CRACD: variants seen among roughly 807,000 people sequenced by gnomAD.
The protein encoded by CRACD is capping protein-inhibiting regulator of actin dynamics.
A neutral mutation model predicts 106.8 loss-of-function variants in CRACD; 56 were observed. The observed-to-expected ratio is 0.52, with a 90% CI of 0.42 to 0.66. The LOEUF is 0.66. CRACD is among the 30% of genes least tolerant of loss of function. The pLI, the probability that CRACD is intolerant of heterozygous loss-of-function variation, is 0.00. For missense variants in CRACD, 1,730 were observed against 1,623.2 expected (o/e 1.07, Z -1.13); for synonymous variants, 754 against 670.8 (o/e 1.12, Z -1.92).
chr4:56,091,280 T>C (rs1733416264), intron 1 of CRACD, among the ~76,000 whole-genome samples: 1 of 152,072 alleles, frequency 6.6e-6, no homozygotes, highest in Non-Finnish European at 1.5e-5. Flanking sequence ...TGTCCTGAGC[T>C]TAAGTGATCC....
At chr4:56,286,176 T>C (rs183008728) in intron 3 of CRACD, among the ~76,000 whole-genome samples, 41 of 152,076 alleles carry the variant, frequency 2.7e-4, no homozygotes, top group Admixed American at 8.5e-4. Flanking sequence ...GCAGATCACT[T>C]GAGGCCAAGA....
At chr4:56,151,599 C>T (rs966910201) in intron 1 of CRACD, among the ~76,000 whole-genome samples, 16 of 152,072 alleles carry the variant, frequency 1.1e-4, no homozygotes, top group Non-Finnish European at 1.5e-4. Flanking sequence ...TATTAGTTTG[C>T]TACCATTTAA....
At chr4:56,130,742 C>A (rs74436634) in intron 1 of CRACD, among the ~76,000 whole-genome samples, 139 of 152,244 alleles carry the variant, frequency 9.1e-4, no homozygotes, top group African/African-American at 3.2e-3. Flanking sequence ...TTTCATGGGA[C>A]AAAATTGGCT....
intron 2 of CRACD, among the ~76,000 whole-genome samples, chr4:56,267,489 G>A (rs535145484): frequency 5.3e-5 from 8 of 152,284 alleles, no homozygotes; most frequent in African/African-American, 1.7e-4. Context: ...TGAGGAAGGG[G>A]AAATTAGTTT....
intron 2 of CRACD, among the ~76,000 whole-genome samples, chr4:56,216,744 G>T (rs192913293): frequency 2.8e-4 from 43 of 152,188 alleles, no homozygotes; most frequent in African/African-American, 8.2e-4. Flanking sequence ...ACTTTGGGAG[G>T]CCGAGGCGGG....
chr4:56,241,945 T>G (rs924274098), intron 2 of CRACD, among the ~76,000 whole-genome samples: 4 of 152,204 alleles, frequency 2.6e-5, no homozygotes, highest in African/African-American at 9.6e-5. Context: ...ATAAAGTAAG[T>G]TTTGTTCCCT....
chr4:56,202,317 C>T (rs1264704979), intron 2 of CRACD, among the ~76,000 whole-genome samples: 1 of 152,232 alleles, frequency 6.6e-6, no homozygotes, highest in South Asian at 2.1e-4. Flanking sequence ...GTGATCTTGG[C>T]TCACTGGCAA....
intron 3 of CRACD, among the ~76,000 whole-genome samples, chr4:56,282,158 C>G (rs1743074029): frequency 6.6e-6 from 1 of 152,166 alleles, no homozygotes; most frequent in South Asian, 2.1e-4. Context: ...TGATCAATTG[C>G]AATTGCCCCT....
chr4:56,066,953 A>G (rs527344659), intron 1 of CRACD, among the ~76,000 whole-genome samples: 28 of 152,220 alleles, frequency 1.8e-4, no homozygotes, highest in Non-Finnish European at 3.7e-4. Flanking sequence ...GCTTAAGACA[A>G]TGGAGAGTAA....
chr4:56,305,600 C>T (rs1744643083), intron 4 of CRACD, among the ~76,000 whole-genome samples: 1 of 152,182 alleles, frequency 6.6e-6, no homozygotes, highest in Non-Finnish European at 1.5e-5. Flanking sequence ...GCCTTCTCCT[C>T]CCCACAACCC....
chr4:56,166,215 A>C (rs1871325), intron 1 of CRACD, among the ~76,000 whole-genome samples: 5,180 of 152,168 alleles, frequency 0.034, 291 homozygotes, highest in African/African-American at 0.12. Flanking sequence ...AACCATATTT[A>C]TTTCTTTTAA....
chr4:56,276,236 C>G (rs768546079), intron 3 of CRACD, among the ~76,000 whole-genome samples: 1 of 152,116 alleles, frequency 6.6e-6, no homozygotes, highest in African/African-American at 2.4e-5. Flanking sequence ...TTCCCAAAGG[C>G]GTGTTAAAAC....
chr4:56,214,652 A>ACTCTCTCTCTCTCTCTCT (rs572003455), intron 2 of CRACD, among the ~76,000 whole-genome samples: 2 of 101,870 alleles, frequency 2.0e-5, no homozygotes, highest in East Asian at 3.1e-4. Flanking sequence ...AGAGCTAGAC[A>ACTCTCTCTCTCTCTCTCT]CTCTCTCTCT....
intron 8 of CRACD, among the ~76,000 whole-genome samples, chr4:56,318,933 T>G (rs559964109): frequency 6.6e-6 from 1 of 152,328 alleles, no homozygotes; most frequent in South Asian, 2.1e-4. Context: ...ATGGTGCTAT[T>G]TTTTATTCTC....
intron 2 of CRACD, among the ~76,000 whole-genome samples, chr4:56,215,774 G>C (rs1004075515): frequency 6.6e-6 from 1 of 152,210 alleles, no homozygotes; most frequent in Middle Eastern, 3.2e-3. Context: ...TCTTCCGGTG[G>C]TTCTAAATGC....
At chr4:56,198,081 A>G (rs1377932494) in intron 2 of CRACD, among the ~76,000 whole-genome samples, 2 of 152,026 alleles carry the variant, frequency 1.3e-5, no homozygotes, top group Non-Finnish European at 2.9e-5. Flanking sequence ...TCACTAATTT[A>G]CTTTGCTGTG....
chr4:56,053,937 A>T (rs1577932327), intron 1 of CRACD, among the ~76,000 whole-genome samples: 1 of 152,208 alleles, frequency 6.6e-6, no homozygotes, highest in African/African-American at 2.4e-5. Flanking sequence ...ATCAGATTTC[A>T]TCCTTAGGCT....
chr4:56,259,264 T>G (rs1335510421), intron 2 of CRACD, among the ~76,000 whole-genome samples: 3 of 151,944 alleles, frequency 2.0e-5, no homozygotes, highest in Non-Finnish European at 4.4e-5. Context: ...TGGGCAGAGC[T>G]AGGTTGTAAG....
chr4:56,253,789 G>A (rs916162173), intron 2 of CRACD, among the ~76,000 whole-genome samples: 1 of 152,188 alleles, frequency 6.6e-6, no homozygotes, highest in African/African-American at 2.4e-5. Flanking sequence ...ACTTTGGACA[G>A]TGAAGGGTTG....
Sources: allele counts gnomAD v4.1 joint callset (sites outside exome capture counted in the v4.1 genomes callset), GRCh38; gene constraint gnomAD v4.1.1; transcripts MANE v1.5; gene names NCBI Gene and HGNC (gene_info 2026-07-23, HGNC 2026-07-21).